DCAF8L2: variants seen among roughly 807,000 people sequenced by gnomAD.
DCAF8L2 encodes DDB1 and CUL4 associated factor 8 like 2, also known as DDB1- and CUL4-associated factor 8-like protein 2.
For missense variants in DCAF8L2, 430 were observed against 490.7 expected, an observed-to-expected ratio of 0.88 and a Z score of 1.17; for synonymous variants, 200 against 190.9, an observed-to-expected ratio of 1.05 and a Z score of -0.39.
chrX:27,689,236 C>CTGAT (rs952700199), intron 3 of DCAF8L2, among the ~76,000 whole-genome samples: 31 of 111,918 alleles, frequency 2.8e-4, no homozygotes, highest in South Asian at 1.9e-3. Context: ...GATTGATTGA[C>CTGAT]TGATTGATTG....
At chrX:27,586,279 G>C (rs763630162), upstream of DCAF8L2, among the ~76,000 whole-genome samples, 1 of 111,006 alleles carries the variant, frequency 9.0e-6, no homozygotes, top group East Asian at 2.8e-4. Context: ...ATCTACTAAA[G>C]TTGAACATAT....
the DCAF8L2 span, among the ~76,000 whole-genome samples, chrX:27,514,683 AAAAAAAAAAAAAC>A: frequency 6.6e-5 from 2 of 30,194 alleles, no homozygotes; most frequent in Non-Finnish European, 2.1e-4. Flanking sequence ...AAAAAAAAAA[AAAAAAAAAAAAAC>A]AAAAAAAAAA....
At chrX:27,583,902 C>A in the DCAF8L2 span, among the ~76,000 whole-genome samples, 1 of 111,501 alleles carries the variant, frequency 9.0e-6, no homozygotes, top group Non-Finnish European at 1.9e-5. Flanking sequence ...CATTAAAATT[C>A]TTTCCATGTA....
At chrX:27,650,245 T>G (rs1181840173) in intron 2 of DCAF8L2, among the ~76,000 whole-genome samples, 5 of 111,897 alleles carry the variant, frequency 4.5e-5, no homozygotes, top group Non-Finnish European at 9.4e-5. Flanking sequence ...TCCAGCTCTG[T>G]TCATTTTCCT....
the DCAF8L2 span, among the ~76,000 whole-genome samples, chrX:27,509,053 A>G: frequency 2.7e-5 from 3 of 111,472 alleles, no homozygotes; most frequent in Non-Finnish European, 3.8e-5. Context: ...ACCTACTATT[A>G]TATCAGGAAT....
intron 2 of DCAF8L2, among the ~76,000 whole-genome samples, chrX:27,663,446 T>C (rs919917508): frequency 1.8e-5 from 2 of 111,887 alleles, no homozygotes; most frequent in Non-Finnish European, 3.8e-5. Flanking sequence ...TCACAATACT[T>C]GAAACTTTTT....
At chrX:27,723,181 A>G (rs888747418) in intron 4 of DCAF8L2, among the ~76,000 whole-genome samples, 1 of 110,636 alleles carries the variant, frequency 9.0e-6, no homozygotes, top group African/African-American at 3.3e-5. Context: ...AAGTTAATTT[A>G]TAAATTATAA....
the DCAF8L2 span, among the ~76,000 whole-genome samples, chrX:27,572,387 C>A: frequency 1.8e-5 from 2 of 111,801 alleles, no homozygotes; most frequent in Non-Finnish European, 3.8e-5. Flanking sequence ...CTCTTTATGG[C>A]AGTTTCTGCT....
the DCAF8L2 span, among the ~76,000 whole-genome samples, chrX:27,544,916 G>A: frequency 8.9e-6 from 1 of 111,865 alleles, no homozygotes; most frequent in South Asian, 3.8e-4. Context: ...AGACATATTC[G>A]ATTTAATTAC....
intron 2 of DCAF8L2, among the ~76,000 whole-genome samples, chrX:27,674,398 G>A (rs1432426656): frequency 9.0e-6 from 1 of 110,859 alleles, no homozygotes; most frequent in Non-Finnish European, 1.9e-5. Context: ...TTTCTGCTTA[G>A]ACAAAATTAG....
chrX:27,740,921 C>T (rs752251444), intron 4 of DCAF8L2, among the ~76,000 whole-genome samples: 31 of 111,714 alleles, frequency 2.8e-4, no homozygotes, highest in Middle Eastern at 4.6e-3. Flanking sequence ...ATCCACTATA[C>T]TACATACTCC....
At chrX:27,578,018 T>C in the DCAF8L2 span, among the ~76,000 whole-genome samples, 59 of 111,420 alleles carry the variant, frequency 5.3e-4, no homozygotes, top group East Asian at 0.01. Flanking sequence ...TAAACTACCA[T>C]TGACATTCTT....
chrX:27,513,437 T>C, the DCAF8L2 span, among the ~76,000 whole-genome samples: 1 of 111,928 alleles, frequency 8.9e-6, no homozygotes, highest in Non-Finnish European at 1.9e-5. Context: ...GTGGGCATGG[T>C]GGCTCACACC....
At chrX:27,585,241 G>A in the DCAF8L2 span, among the ~76,000 whole-genome samples, 2 of 110,599 alleles carry the variant, frequency 1.8e-5, no homozygotes, top group East Asian at 5.7e-4. Context: ...GAGTTTTATG[G>A]CTTTATTTTA....
At chrX:27,577,789 C>A in the DCAF8L2 span, among the ~76,000 whole-genome samples, 1 of 111,192 alleles carries the variant, frequency 9.0e-6, no homozygotes, top group Non-Finnish European at 1.9e-5. Flanking sequence ...TGAATGAACT[C>A]CTCTTCACAA....
At chrX:27,574,201 G>A in the DCAF8L2 span, among the ~76,000 whole-genome samples, 1 of 110,494 alleles carries the variant, frequency 9.1e-6, no homozygotes, top group African/African-American at 3.3e-5. Flanking sequence ...AGAATATGAG[G>A]TAGATTTTGA....
chrX:27,587,985 A>AAAAAATATATATATAT, upstream of DCAF8L2, among the ~76,000 whole-genome samples: 9 of 22,356 alleles, frequency 4.0e-4, no homozygotes, highest in African/African-American at 4.9e-4. Flanking sequence ...TAAAAAAAAA[A>AAAAAATATATATATAT]ATATATATAT....
intron 4 of DCAF8L2, among the ~76,000 whole-genome samples, chrX:27,719,944 T>A (rs995074051): frequency 1.7e-4 from 19 of 111,106 alleles, no homozygotes; most frequent in Admixed American, 3.8e-4. Flanking sequence ...TTTTTTTATA[T>A]CCTGCTTAAG....
the DCAF8L2 span, among the ~76,000 whole-genome samples, chrX:27,483,101 T>C: frequency 1.8e-5 from 2 of 111,611 alleles, no homozygotes; most frequent in Non-Finnish European, 3.8e-5. Flanking sequence ...CGAACGTCTT[T>C]ACTTGTTTCA....
Sources: allele counts gnomAD v4.1 joint callset (sites outside exome capture counted in the v4.1 genomes callset), GRCh38; gene constraint gnomAD v4.1.1; transcripts MANE v1.5; gene names NCBI Gene and HGNC (gene_info 2026-07-23, HGNC 2026-07-21).